BLCAP: variants seen among roughly 807,000 people sequenced by gnomAD.
The protein encoded by BLCAP is apoptosis inducing factor BLCAP.
Under a neutral mutation model 5.7 loss-of-function variants are expected in BLCAP, and 1 was observed. The observed-to-expected ratio is 0.18, with a 90% confidence interval of 0.06 to 0.83. The LOEUF is 0.83. Among genes scored for constraint, BLCAP ranks in the 40% least tolerant of loss-of-function variants. The pLI, the probability that BLCAP is intolerant of heterozygous loss-of-function variation, is 0.71. For synonymous variants in BLCAP, 48 were observed against 49.4 expected (o/e 0.97, Z 0.11); for missense variants, 66 against 107.6 (o/e 0.61, Z 1.71).
chr20:37,524,864 C>T (rs1023941466), intron 1 of BLCAP, among the ~76,000 whole-genome samples: 1 of 152,196 alleles, frequency 6.6e-6, no homozygotes, highest in Non-Finnish European at 1.5e-5. Flanking sequence ...CCTAGGGAAC[C>T]TGGACATGTC....
chr20:37,519,731 C>T (rs1393337397), intron 1 of BLCAP, among the ~76,000 whole-genome samples: 1 of 152,226 alleles, frequency 6.6e-6, no homozygotes, highest in Non-Finnish European at 1.5e-5. Flanking sequence ...CTCACAATAC[C>T]GCCCAGTGGT....
chr20:37,521,252 T>C lies in BLCAP; in HGVS notation c.-176-1902A>G. 2.7e-6 allele frequency: 4 copies of C among 1,464,052 alleles called. No individual in the cohort carries two copies. The highest frequency in any genetic ancestry group is 3.8e-6 in the Non-Finnish European group (4 of 1,045,222). 90.7% of individuals were successfully genotyped at this position (1,464,052 alleles called of 1,614,324 possible). On this transcript the variant is annotated intron_variant, in intron 1 of 1. Transcript: ENST00000373537. The surrounding 1 kb of genome is among the most constrained non-coding windows in gnomAD (Gnocchi z 4.5). The stretch of plus-strand genomic sequence containing the variant: ...GGCGCGGCCACCGCGGCTGCGGCAG[T>C]GCGCCCAACAGCGGACTCCGAGACC...
Position 37,521,844 on chromosome 20 carries a change from G to A in BLCAP, c.-176-2494C>T, listed in dbSNP as rs1448061433. On this transcript the variant is annotated intron_variant, in intron 1 of 1. Transcript: ENST00000373537. The surrounding 1 kb of genome is among the most constrained non-coding windows in gnomAD (Gnocchi z 4.5). ...TTTAAAAAAACATATAGCGCTTGCG[G>A]GGGTGGAACAAAAAATAAGTTAGAA... 1.9e-4 allele frequency among the ~76,000 whole-genome samples: 29 copies of A among 151,716 alleles called. No homozygotes were observed. The highest frequency in any genetic ancestry group is 3.3e-4 in the Admixed American group (5 of 15,248).
At chr20:37,526,283 C>T (rs1444179498) in intron 1 of BLCAP, among the ~76,000 whole-genome samples, 2 of 139,622 alleles carry the variant, frequency 1.4e-5, no homozygotes, top group East Asian at 2.1e-4. Context: ...CCCCCCCCAC[C>T]GCCCCCACCC....
At chr20:37,524,849 A>G (rs2071692200) in intron 1 of BLCAP, among the ~76,000 whole-genome samples, 1 of 152,158 alleles carries the variant, frequency 6.6e-6, no homozygotes, top group African/African-American at 2.4e-5. Flanking sequence ...TTTGCCATCA[A>G]TCAGCCTAGG....
chr20:37,527,372 A>G (rs924172591), intron 1 of BLCAP, among the ~76,000 whole-genome samples: 1 of 148,486 alleles, frequency 6.7e-6, no homozygotes, highest in Admixed American at 6.7e-5. Flanking sequence ...CCCCCCAAAA[A>G]AGCAACTAAA....
chr20:37,522,612 C>T, intron 1 of BLCAP: 1 of 1,517,444 alleles, frequency 6.6e-7, no homozygotes. Flanking sequence ...GGCAGCACCA[C>T]AGACATGCTG....
In BLCAP at chr20:37,518,903, G is replaced by A; in HGVS notation, c.*8C>T. ...TCTGCTTCCTTGGAAAGCTAACAGG[G>A]CAGGCCGTTAGGTGCCCACAACGCC... On this transcript the variant is annotated 3_prime_UTR_variant, in exon 2 of 2. Transcript: ENST00000373537. The A allele has an allele frequency of 1.9e-6, 3 of 1,613,786 alleles. No individual in the cohort carries two copies. Among genetic ancestry groups the A allele is most frequent in the Non-Finnish European group, 2.5e-6 (3 of 1,179,892 alleles).
At chr20:37,523,219 T>G in intron 1 of BLCAP, 1 of 155,354 alleles carries the variant, frequency 6.4e-6, no homozygotes, top group African/African-American at 2.4e-5. Flanking sequence ...CGTGCCTGTG[T>G]GGCGGGACTG....
At chr20:37,526,059 A>C (rs933725054) in intron 1 of BLCAP, among the ~76,000 whole-genome samples, 1 of 152,096 alleles carries the variant, frequency 6.6e-6, no homozygotes. Context: ...TGACACTGTT[A>C]CCTTTATCTG....
intron 1 of BLCAP, among the ~76,000 whole-genome samples, chr20:37,525,937 T>C (rs1020896566): frequency 1.3e-5 from 2 of 151,986 alleles, no homozygotes; most frequent in African/African-American, 4.8e-5. Context: ...CAGCAACAGG[T>C]GAGAGACCCT....
intron 1 of BLCAP, chr20:37,524,340 T>A (rs2071685273): frequency 6.6e-6 from 1 of 152,322 alleles, no homozygotes; most frequent in South Asian, 2.1e-4. Context: ...TTTCTGCTTT[T>A]CCCAGCACCA....
At position 37,521,096 on chromosome 20, in the gene BLCAP, G is replaced by T; in HGVS notation, c.-176-1746C>A. The T allele has an allele frequency of 1.8e-6, 1 of 570,838 alleles. No homozygotes were observed. The highest frequency in any genetic ancestry group is 3.2e-6 in the Non-Finnish European group (1 of 317,370). The allele number at this position is 570,838 out of a possible 1,614,324, so 35.4% of individuals were successfully genotyped here. ...GGCTAAGATGGAACTCAGGAGGCGG[G>T]GGTCGGTATGGAAAGAGCAGATGGA... On this transcript the variant is annotated intron_variant, in intron 1 of 1. Coordinates refer to ENST00000373537, the MANE Select transcript of BLCAP (RefSeq NM_006698.4). This position sits in a 1 kb window ranked among gnomAD's most constrained non-coding sequence, Gnocchi z 4.5.
intron 1 of BLCAP, chr20:37,523,285 G>C (rs1363665893): frequency 6.5e-6 from 1 of 152,788 alleles, no homozygotes; most frequent in Non-Finnish European, 1.5e-5. Flanking sequence ...CCCTCTCGCT[G>C]TCCCTTGCCC....
At chr20:37,522,904 G>C in intron 1 of BLCAP, 1 of 644,670 alleles carries the variant, frequency 1.6e-6, no homozygotes, top group Non-Finnish European at 2.6e-6. Context: ...TGAGGGGCCA[G>C]TAGACCCCCG....
rs942781151 is a variant in BLCAP at position 37,524,929 on chromosome 20, G to A, written c.-177+2864C>T. On this transcript the variant is annotated intron_variant, in intron 1 of 1. Coordinates refer to ENST00000373537, the MANE Select transcript of BLCAP (RefSeq NM_006698.4). ...CTCGAAGAGGGCCTTTGAGATGCCA[G>A]TGAACCCTAACACGCTAGAAACTGC... Among the ~76,000 whole-genome samples the A allele has an allele frequency of 2.0e-5, 3 of 152,216 alleles. No individual in the cohort carries two copies. In the South Asian group the frequency reaches 6.2e-4, roughly 31 times the overall value.
chr20:37,526,674 G>A (rs1221374802), intron 1 of BLCAP: 1 of 152,208 alleles, frequency 6.6e-6, no homozygotes, highest in Admixed American at 6.5e-5. Context: ...ACAGATTAAA[G>A]GTTAAACTGT....
chr20:37,518,133 G>C lies in BLCAP; in HGVS notation c.*778C>G, dbSNP rs1221303021. 1.3e-5 allele frequency: 2 copies of C among 152,364 alleles called. No homozygotes were observed. The highest frequency in any genetic ancestry group is 4.8e-5 in the African/African-American group (2 of 41,550). The allele number at this position is 152,364 out of a possible 1,614,324, so 9.4% of individuals were successfully genotyped here. On this transcript the variant is annotated 3_prime_UTR_variant, in exon 2 of 2. Transcript: ENST00000373537. ...TACTTCAATGCTGCAGAGCATGCAC[G>C]GGAGACACAATGAGGCCCCCTCCTT...
chr20:37,522,360 G>T, intron 1 of BLCAP: 7 of 1,613,670 alleles, frequency 4.3e-6, no homozygotes, highest in Non-Finnish European at 5.9e-6. Flanking sequence ...CCTTCAAGGT[G>T]TTCCTGGAAT....
Sources: gnomAD v4.1 joint callset for allele counts (sites outside exome capture counted in the v4.1 genomes callset) on GRCh38, gnomAD v4.1.1 for gene constraint, Gnocchi (gnomAD v3.1) non-coding constraint, MANE v1.5 for transcripts, NCBI Gene and HGNC (gene_info 2026-07-23, HGNC 2026-07-21) for gene names.